Variants in CSMD1 observed in about 807,000 individuals in gnomAD.
The protein encoded by CSMD1 is CUB and Sushi multiple domains 1, also known as CUB and sushi domain-containing protein 1.
A neutral mutation model predicts 417.5 loss-of-function variants in CSMD1; 213 were observed. That is an observed-to-expected ratio of 0.51 (90% CI 0.46 to 0.57). The LOEUF is 0.57. Ranked by LOEUF, CSMD1 falls within the 20% of genes least tolerant of loss-of-function variation. CSMD1 has a pLI of 0.00. For missense variants in CSMD1, 6,923 were observed against 4,529.7 expected (o/e 1.53, Z -15.17); for synonymous variants, 2,862 against 1,736.8 (o/e 1.65, Z -16.11).
intron 4 of CSMD1, among the ~76,000 whole-genome samples, chr8:4,013,253 C>T (rs927593974): frequency 6.6e-6 from 1 of 152,144 alleles, no homozygotes; most frequent in Non-Finnish European, 1.5e-5. Context: ...GACTGTCTCT[C>T]CTACAACCCT....
chr8:3,441,970 G>A (rs998694926), intron 12 of CSMD1, among the ~76,000 whole-genome samples: 4 of 151,852 alleles, frequency 2.6e-5, no homozygotes, highest in East Asian at 1.9e-4. Flanking sequence ...CTTTCCAGTG[G>A]GACAAGATGT....
At chr8:3,936,528 C>G (rs1019732018) in intron 5 of CSMD1, among the ~76,000 whole-genome samples, 7 of 152,172 alleles carry the variant, frequency 4.6e-5, no homozygotes, top group African/African-American at 1.7e-4. Context: ...TCTGCTAAAT[C>G]AACTATGCTC....
At chr8:3,378,274 A>C (rs181365681) in intron 18 of CSMD1, among the ~76,000 whole-genome samples, 1 of 152,228 alleles carries the variant, frequency 6.6e-6, no homozygotes, top group African/African-American at 2.4e-5. Context: ...ACCAACTAAA[A>C]GAAGCCCAGG....
chr8:3,680,809 A>G (rs1421108305), intron 7 of CSMD1, among the ~76,000 whole-genome samples: 3 of 152,154 alleles, frequency 2.0e-5, no homozygotes, highest in African/African-American at 7.2e-5. Context: ...GGCAAACCGA[A>G]CTCAGCAGCA....
chr8:4,829,330 T>A (rs11778154), intron 1 of CSMD1, among the ~76,000 whole-genome samples: 5,925 of 152,278 alleles, frequency 0.039, 151 homozygotes, highest in African/African-American at 0.045. Context: ...TATGTTTTCA[T>A]TTAACCTACA....
chr8:4,465,301 G>T (rs969436260), intron 2 of CSMD1, among the ~76,000 whole-genome samples: 1 of 152,070 alleles, frequency 6.6e-6, no homozygotes, highest in Non-Finnish European at 1.5e-5. Context: ...CAGACACTAG[G>T]ATGTCTTGGT....
intron 3 of CSMD1, among the ~76,000 whole-genome samples, chr8:4,179,509 T>A (rs1584968125): frequency 2.7e-5 from 4 of 150,438 alleles, no homozygotes; most frequent in Admixed American, 2.7e-4. Context: ...ATTCAGGACG[T>A]AGGCATGGGC....
At chr8:4,453,000 A>G (rs1250813676) in intron 2 of CSMD1, among the ~76,000 whole-genome samples, 1 of 152,186 alleles carries the variant, frequency 6.6e-6, no homozygotes, top group African/African-American at 2.4e-5. Flanking sequence ...TGTTTCCCAC[A>G]GTCCTCTGAA....
intron 36 of CSMD1, among the ~76,000 whole-genome samples, chr8:3,187,354 C>G (rs761778618): frequency 6.6e-6 from 1 of 152,108 alleles, no homozygotes; most frequent in Non-Finnish European, 1.5e-5. Context: ...GGAGAGCAGA[C>G]TCGTCAAGGC....
At chr8:3,497,647 G>A (rs1441936508) in intron 10 of CSMD1, among the ~76,000 whole-genome samples, 2 of 152,172 alleles carry the variant, frequency 1.3e-5, no homozygotes, top group Admixed American at 6.5e-5. Flanking sequence ...TGTTTGCATG[G>A]ACTATCTCTT....
At chr8:3,734,881 G>A (rs1402994722) in intron 6 of CSMD1, among the ~76,000 whole-genome samples, 1 of 152,124 alleles carries the variant, frequency 6.6e-6, no homozygotes, top group Non-Finnish European at 1.5e-5. Context: ...CAATAGGGCT[G>A]TACTGAAGCA....
intron 5 of CSMD1, among the ~76,000 whole-genome samples, chr8:3,899,210 A>G (rs980371294): frequency 5.3e-5 from 8 of 152,216 alleles, no homozygotes; most frequent in African/African-American, 1.9e-4. Flanking sequence ...CAATGAACAC[A>G]GGACGGACAA....
chr8:4,662,914 AGAAAGAAAAAG>A (rs1804689783), intron 1 of CSMD1, among the ~76,000 whole-genome samples: 2 of 152,190 alleles, frequency 1.3e-5, no homozygotes, highest in African/African-American at 4.8e-5. Flanking sequence ...ACAAAAAGAG[AGAAAGAAAAAG>A]GAAAGAAAGG....
intron 18 of CSMD1, among the ~76,000 whole-genome samples, chr8:3,380,039 A>G (rs1348678100): frequency 1.3e-5 from 2 of 152,198 alleles, no homozygotes; most frequent in Admixed American, 1.3e-4. Context: ...ACTTGAACAA[A>G]TTTACAACAA....
At chr8:4,105,816 T>C (rs1801539682) in intron 3 of CSMD1, among the ~76,000 whole-genome samples, 2 of 152,194 alleles carry the variant, frequency 1.3e-5, no homozygotes, top group Admixed American at 6.5e-5. Flanking sequence ...ACTGAGTTAC[T>C]TGTCACCCCT....
intron 2 of CSMD1, among the ~76,000 whole-genome samples, chr8:4,602,266 T>C (rs559452015): frequency 6.6e-6 from 1 of 152,144 alleles, no homozygotes; most frequent in Non-Finnish European, 1.5e-5. Flanking sequence ...GAAAATCTCT[T>C]ACTAAAAAAG....
chr8:4,178,553 T>TCG (rs1798183856), intron 3 of CSMD1, among the ~76,000 whole-genome samples: 1 of 151,040 alleles, frequency 6.6e-6, no homozygotes, highest in South Asian at 2.1e-4. Flanking sequence ...CCACTCCTAT[T>TCG]CAACATAGTG....
At chr8:4,845,256 A>G (rs13267687) in intron 1 of CSMD1, among the ~76,000 whole-genome samples, 2 of 152,222 alleles carry the variant, frequency 1.3e-5, no homozygotes, top group Admixed American at 6.5e-5. Context: ...TGATAAAGAC[A>G]CAAGAAAGCC....
intron 2 of CSMD1, among the ~76,000 whole-genome samples, chr8:4,633,107 G>A (rs1802619261): frequency 6.6e-6 from 1 of 152,170 alleles, no homozygotes; most frequent in African/African-American, 2.4e-5. Context: ...AGGGGAGCCT[G>A]GGGCAGGAAA....
Sources: allele counts gnomAD v4.1 joint callset (sites outside exome capture counted in the v4.1 genomes callset), GRCh38; gene constraint gnomAD v4.1.1; transcripts MANE v1.5; gene names NCBI Gene and HGNC (gene_info 2026-07-23, HGNC 2026-07-21).